The following RUNX1 variants were observed in gnomAD, a reference collection of about 807,000 sequenced individuals.
RUNX1 encodes the protein RUNX family transcription factor 1, also known as runt-related transcription factor 1.
A neutral mutation model predicts 42.8 loss-of-function variants in RUNX1; 19 were observed. That is an observed-to-expected ratio of 0.44 (90% confidence interval 0.31 to 0.65). The LOEUF is 0.65. Ranked by LOEUF, RUNX1 falls within the 30% of genes least tolerant of loss-of-function variation. The pLI, the probability that RUNX1 is intolerant of heterozygous loss-of-function variation, is 0.07. For synonymous variants in RUNX1, 271 were observed against 289.4 expected (o/e 0.94, Z 0.64); for missense variants, 528 against 672.0 (o/e 0.79, Z 2.37).
At chr21:35,004,918 A>G (rs185670575) in intron 2 of RUNX1, among the ~76,000 whole-genome samples, 1 of 152,292 alleles carries the variant, frequency 6.6e-6, no homozygotes, top group Non-Finnish European at 1.5e-5. Context: ...TCACTCTCTT[A>G]TCAGCAGGGG....
At chr21:34,793,993 C>T (rs1569004297) in intron 8 of RUNX1, among the ~76,000 whole-genome samples, 3 of 152,042 alleles carry the variant, frequency 2.0e-5, no homozygotes, top group Non-Finnish European at 2.9e-5. Context: ...CATGAACCAC[C>T]GTGCCCAGCC....
intron 7 of RUNX1, among the ~76,000 whole-genome samples, chr21:34,826,598 A>T (rs1399908569): frequency 6.7e-6 from 1 of 150,194 alleles, no homozygotes; most frequent in Non-Finnish European, 1.5e-5. Context: ...CACCATGCCC[A>T]GCTAATTTTT....
chr21:34,792,280 G>A lies in RUNX1; in HGVS notation c.1298C>T (p.Thr433Ile). ...CAGCGCGGAGCCGGTGGAGGCGTTG[G>A]TGCAGGGCGGCAGGATGCGCGGCGG... The part of the protein sequence containing the change: ...RSPPRILPPC[T>I]NASTGSALLN... The change falls in exon 9 of 9, where the codon ACC becomes ATC. Residue 433 changes from threonine (T) to isoleucine (I), a missense_variant. By Grantham distance (89) the Thr-to-Ile change is moderately conservative. Transcript: ENST00000675419. The surrounding 1 kb of genome is among the most constrained non-coding windows in gnomAD (Gnocchi z 6.9). 6.5e-7 allele frequency: 1 copy of A among 1,542,484 alleles called. No individual in the cohort carries two copies. The highest frequency in any genetic ancestry group is 8.7e-7 in the Non-Finnish European group (1 of 1,147,098).
chr21:34,845,572 A>G (rs1012644454), intron 6 of RUNX1, among the ~76,000 whole-genome samples: 3 of 152,096 alleles, frequency 2.0e-5, no homozygotes, highest in African/African-American at 7.2e-5. Flanking sequence ...AACTCCTTCA[A>G]CAGTCCCTCT....
At chr21:35,023,038 G>T (rs980411439) in intron 2 of RUNX1, among the ~76,000 whole-genome samples, 6 of 151,722 alleles carry the variant, frequency 4.0e-5, no homozygotes, top group Non-Finnish European at 8.8e-5. Flanking sequence ...TCAGTCTCCA[G>T]GGCCAGTGAT....
intron 6 of RUNX1, among the ~76,000 whole-genome samples, chr21:34,848,375 G>A (rs533647657): frequency 7.2e-5 from 11 of 152,220 alleles, no homozygotes; most frequent in East Asian, 1.9e-4. Flanking sequence ...ACTGTGAAAC[G>A]CAGTTTTAGA....
At chr21:34,821,407 T>C (rs1398025207) in intron 7 of RUNX1, 2 of 1,307,042 alleles carry the variant, frequency 1.5e-6, no homozygotes, top group African/African-American at 2.9e-5. Flanking sequence ...ATGCTTCCCA[T>C]GTGCTGTGCA....
In RUNX1 at chr21:34,788,187, A is replaced by G. The variant is rs1218428723; in HGVS notation, c.*3948T>C. ...CGAATTTTCAGGATGTTTTGTGACC[A>G]AACCCAATAACTGCCACACAAATAG... On this transcript the variant is annotated 3_prime_UTR_variant, in exon 9 of 9. Coordinates refer to ENST00000675419, the MANE Select transcript of RUNX1 (RefSeq NM_001754.5). 1.7e-5 allele frequency: 4 copies of G among 233,464 alleles called. No homozygotes were observed. Among genetic ancestry groups the G allele is most frequent in the African/African-American group, 8.8e-5 (4 of 45,356 alleles). The allele number at this position is 233,464 out of a possible 1,614,324, so 14.5% of individuals were successfully genotyped here.
intron 2 of RUNX1, among the ~76,000 whole-genome samples, chr21:34,947,273 T>A (rs1163132538): frequency 6.6e-6 from 1 of 152,186 alleles, no homozygotes; most frequent in Non-Finnish European, 1.5e-5. Context: ...AAGTTTCAGA[T>A]TTTTTTGGCT....
intron 2 of RUNX1, among the ~76,000 whole-genome samples, chr21:34,993,622 GACACACACACAGACACACACAGGCA>G (rs2058965968): frequency 2.1e-5 from 1 of 46,530 alleles, no homozygotes; most frequent in African/African-American, 9.5e-5. Flanking sequence ...CACACACACA[GACACACACACAGACACACACAGGCA>G]CACACACACA....
At chr21:34,880,498 G>A (rs1285913940) in intron 5 of RUNX1, 59 bp downstream of exon 5, 2 of 1,558,894 alleles carry the variant, frequency 1.3e-6, no homozygotes, top group Non-Finnish European at 1.8e-6. Flanking sequence ...CTAGAATTTT[G>A]AAATGTGGGT....
At chr21:34,959,780 G>A (rs1010658061) in intron 2 of RUNX1, among the ~76,000 whole-genome samples, 1 of 152,188 alleles carries the variant, frequency 6.6e-6, no homozygotes, top group Non-Finnish European at 1.5e-5. Context: ...AGTGCCTCCA[G>A]CTGGTCCTAA....
rs1205518630 is a variant in RUNX1 at position 34,849,340 on chromosome 21, ATT to A, written c.613+10132_613+10133del. 1.2e-4 allele frequency among the ~76,000 whole-genome samples: 5 copies of A among 40,600 alleles called. 1 individual carries two copies. The highest frequency in any genetic ancestry group is 5.6e-4 in the South Asian group (1 of 1,800). The allele number at this position is 40,600 out of a possible 152,430, so 26.6% of individuals were successfully genotyped here. A position where few individuals can be genotyped will look rare whatever the true frequency, so the allele number is the denominator to read the frequency against. ...TATATATATTATATATACTATATAT[ATT>A]ATATATAGTATATATAATATATTAT... On this transcript the variant is annotated intron_variant, in intron 6 of 8. Coordinates refer to ENST00000675419, the MANE Select transcript of RUNX1 (RefSeq NM_001754.5).
At chr21:34,931,382 T>TAC (rs1188629838) in intron 2 of RUNX1, among the ~76,000 whole-genome samples, 35 of 146,682 alleles carry the variant, frequency 2.4e-4, no homozygotes, top group Non-Finnish European at 3.3e-4. Context: ...ATATAATATA[T>TAC]ACATGTATAT....
At chr21:35,008,226 G>T (rs1247821023) in intron 2 of RUNX1, among the ~76,000 whole-genome samples, 1 of 152,178 alleles carries the variant, frequency 6.6e-6, no homozygotes, top group Non-Finnish European at 1.5e-5. Flanking sequence ...ACAACCAATG[G>T]CAATTTCATG....
At chr21:34,829,519 T>C (rs886810840) in intron 7 of RUNX1, among the ~76,000 whole-genome samples, 1 of 152,236 alleles carries the variant, frequency 6.6e-6, no homozygotes, top group Non-Finnish European at 1.5e-5. Context: ...CGGGGTAAGA[T>C]TATAATGCTA....
chr21:34,929,110 A>G lies in RUNX1; in HGVS notation c.59-36147T>C, dbSNP rs142522858. 7.0e-3 allele frequency among the ~76,000 whole-genome samples: 1,071 copies of G among 152,280 alleles called. 10 individuals are homozygous for G. Among genetic ancestry groups the G allele is most frequent in the Non-Finnish European group, 0.013 (883 of 68,020 alleles). On this transcript the variant is annotated intron_variant, in intron 2 of 8. Coordinates refer to ENST00000675419, the MANE Select transcript of RUNX1 (RefSeq NM_001754.5). ...CCTGAAGCAACTTGTCACCAGAAAAATGGAAGATGAGAAGCAGATTACCTT... is the reference window on the plus strand; with the variant it reads ...CCTGAAGCAACTTGTCACCAGAAAAGTGGAAGATGAGAAGCAGATTACCTT...
intron 2 of RUNX1, among the ~76,000 whole-genome samples, chr21:34,933,566 A>C (rs1443877212): frequency 6.6e-6 from 1 of 152,176 alleles, no homozygotes. Context: ...AAAGGGAACA[A>C]ATACTGTTGT....
chr21:35,025,430 T>A (rs1210639847), intron 2 of RUNX1, among the ~76,000 whole-genome samples: 4 of 152,172 alleles, frequency 2.6e-5, no homozygotes, highest in African/African-American at 9.7e-5. Context: ...GACGTTCCGA[T>A]GCCCTGCACC....
Sources: gnomAD v4.1 joint callset for allele counts (sites outside exome capture counted in the v4.1 genomes callset) on GRCh38, gnomAD v4.1.1 for gene constraint, Gnocchi (gnomAD v3.1) non-coding constraint, MANE v1.5 for transcripts, NCBI Gene and HGNC (gene_info 2026-07-23, HGNC 2026-07-21) for gene names.